NKAIN1: variants seen among roughly 807,000 people sequenced by gnomAD.
The protein encoded by NKAIN1 is sodium/potassium transporting ATPase interacting 1, also known as sodium/potassium-transporting ATPase subunit beta-1-interacting protein 1.
In NKAIN1, 13 loss-of-function variants were observed where a neutral mutation model predicts 31.6. The observed-to-expected ratio is 0.41, with a 90% CI of 0.27 to 0.65. The LOEUF (loss-of-function observed/expected upper bound fraction) is 0.65. NKAIN1 is among the 30% of genes least tolerant of loss of function. NKAIN1 has a pLI of 0.30. For synonymous variants in NKAIN1, 104 were observed against 109.0 expected (o/e 0.95, Z 0.28); for missense variants, 193 against 262.2 (o/e 0.74, Z 1.82).
chr1:31,206,887 C>T (rs945256284), intron 1 of NKAIN1, among the ~76,000 whole-genome samples: 1 of 152,140 alleles, frequency 6.6e-6, no homozygotes, highest in South Asian at 2.1e-4. Flanking sequence ...GCATGCACCA[C>T]TACGCTCAGC....
rs1234154952 is a variant in NKAIN1 at position 31,185,292 on chromosome 1, A to G, written c.228T>C (p.Asn76=). The G allele has an allele frequency of 5.0e-6, 8 of 1,611,136 alleles. No individual in the cohort carries two copies. Among genetic ancestry groups the G allele is most frequent in the Middle Eastern group, 1.6e-4 (1 of 6,062 alleles). The change falls in exon 3 of 7, where the codon AAT becomes AAC. Residue 76 remains asparagine, a synonymous_variant. Transcript: ENST00000373736. ...CCAAGTAGAAGCAGATGATAAATGC[A>G]TTCCAGCCAACCCAGAGCACCAGCC... The part of the protein sequence containing the change: ...AAWLVLWVGW[N]AFIICFYLEV...
At position 31,183,909 on chromosome 1, in the gene NKAIN1, G is replaced by T; in HGVS notation, c.379C>A (p.Leu127Met). The T allele has an allele frequency of 3.1e-6, 5 of 1,614,126 alleles. No individual in the cohort carries two copies. The highest frequency in any genetic ancestry group is 4.2e-6 in the Non-Finnish European group (5 of 1,180,036). Residue 127 changes from leucine (L) to methionine (M), a missense_variant, in exon 4 of 7, where the codon CTG becomes ATG. Leu to Met is a conservative substitution (Grantham distance 15). Transcript: ENST00000373736. Reference sequence around the variant, plus strand: ...ACAGAGATGACATGGTGGTCCTCCAGAGCCAGGCGGGAGTTCAGAACAGGT... The same window carrying T: ...ACAGAGATGACATGGTGGTCCTCCATAGCCAGGCGGGAGTTCAGAACAGGT... The part of the protein sequence containing the change: ...VTPVLNSRLA[L>M]EDHHVISVTG...
rs146537924 is a variant in NKAIN1, at chr1:31,211,587, T to C, written c.55-23400A>G. ...TGATCTACAGATTCAATGCACTCTA[T>C]CAAAATTCCAACTACCTTTTTTTTT... On this transcript the variant is annotated intron_variant, in intron 1 of 6. Transcript: ENST00000373736. Among the ~76,000 whole-genome samples the C allele has an allele frequency of 2.6e-3, 370 of 140,398 alleles. 1 individual carries two copies. The highest frequency in any genetic ancestry group is 9.1e-3 in the African/African-American group (354 of 38,846). The allele number at this position is 140,398 out of a possible 152,430, so 92.1% of individuals were successfully genotyped here. A position where few individuals can be genotyped will look rare whatever the true frequency, so the allele number is the denominator to read the frequency against.
In NKAIN1 at chr1:31,233,938, A is replaced by G. The variant is rs1645675996; in HGVS notation, c.54+5556T>C. Among the ~76,000 whole-genome samples the G allele has an allele frequency of 6.6e-6, 1 of 152,234 alleles. No homozygotes were observed. The highest frequency in any genetic ancestry group is 2.1e-4 in the South Asian group (1 of 4,838). ...CAAAGCAAGGCCTGATCCCAGATGTAGTGCTCCTAGCCCCTGTGCCAGATC... is the reference window on the plus strand; with the variant it reads ...CAAAGCAAGGCCTGATCCCAGATGTGGTGCTCCTAGCCCCTGTGCCAGATC... On this transcript the variant is annotated intron_variant, in intron 1 of 6. Coordinates refer to ENST00000373736, the MANE Select transcript of NKAIN1 (RefSeq NM_024522.3). This position sits in a 1 kb window ranked among gnomAD's most constrained non-coding sequence, Gnocchi z 4.0.
At chr1:31,186,058 T>C (rs1025272140) in intron 2 of NKAIN1, among the ~76,000 whole-genome samples, 2 of 138,524 alleles carry the variant, frequency 1.4e-5, no homozygotes, top group Non-Finnish European at 3.1e-5. Flanking sequence ...AGAAAACCCA[T>C]ATTTAAAAAA....
At chr1:31,226,275 A>G (rs867645130) in intron 1 of NKAIN1, among the ~76,000 whole-genome samples, 1 of 151,954 alleles carries the variant, frequency 6.6e-6, no homozygotes, top group Non-Finnish European at 1.5e-5. Context: ...CATAGTAGGT[A>G]TCCATAAATA....
chr1:31,181,123 G>C lies in NKAIN1; in HGVS notation c.*580C>G, dbSNP rs1259247256. 6.6e-6 allele frequency: 1 copy of C among 152,418 alleles called. No homozygotes were observed. The highest frequency in any genetic ancestry group is 1.5e-5 in the Non-Finnish European group (1 of 68,206). The allele number at this position is 152,418 out of a possible 1,614,324, so 9.4% of individuals were successfully genotyped here. A position where few individuals can be genotyped will look rare whatever the true frequency, so the allele number is the denominator to read the frequency against. On this transcript the variant is annotated 3_prime_UTR_variant, in exon 7 of 7. Transcript: ENST00000373736. ...TAATCCCAGTCTAGCTCAGGGAATT[G>C]AGTTAAATGAGAAGTCTAAAAGAGT...
chr1:31,197,332 C>T (rs1214507173), intron 1 of NKAIN1, among the ~76,000 whole-genome samples: 10 of 151,674 alleles, frequency 6.6e-5, no homozygotes, highest in African/African-American at 1.2e-4. Flanking sequence ...AGGATGGTCT[C>T]GATCTTCTGA....
intron 1 of NKAIN1, among the ~76,000 whole-genome samples, chr1:31,213,040 TTG>T (rs1176819216): frequency 5.7e-5 from 4 of 69,782 alleles, no homozygotes; most frequent in South Asian, 3.8e-4. Flanking sequence ...GCTTTTTCTT[TTG>T]TTTTTTTTTT....
chr1:31,226,766 T>C (rs1425955845), intron 1 of NKAIN1, among the ~76,000 whole-genome samples: 1 of 151,866 alleles, frequency 6.6e-6, no homozygotes, highest in African/African-American at 2.4e-5. Flanking sequence ...TCAGGTAATC[T>C]GCCCGCCTCC....
chr1:31,236,633 AG>A (rs1645694398), intron 1 of NKAIN1, among the ~76,000 whole-genome samples: 1 of 152,184 alleles, frequency 6.6e-6, no homozygotes, highest in Admixed American at 6.5e-5. Flanking sequence ...GCAATTTTCA[AG>A]TTCCTCCCGC....
chr1:31,222,696 AC>A (rs1304102110), intron 1 of NKAIN1, among the ~76,000 whole-genome samples: 1 of 152,136 alleles, frequency 6.6e-6, no homozygotes, highest in Admixed American at 6.5e-5. Context: ...TGAGGCCCAA[AC>A]TGAAGCTCAG....
At chr1:31,191,221 G>A (rs1570452891) in intron 1 of NKAIN1, among the ~76,000 whole-genome samples, 1 of 151,612 alleles carries the variant, frequency 6.6e-6, no homozygotes. Context: ...AGCCTGGGAG[G>A]CAGAGGCTGC....
intron 1 of NKAIN1, among the ~76,000 whole-genome samples, chr1:31,194,903 T>C (rs182820991): frequency 2.5e-4 from 37 of 150,198 alleles, no homozygotes; most frequent in African/African-American, 9.0e-4. Context: ...TCCTAAGTAG[T>C]TGGGATTACA....
At chr1:31,201,040 T>C (rs181544389) in intron 1 of NKAIN1, among the ~76,000 whole-genome samples, 58 of 152,026 alleles carry the variant, frequency 3.8e-4, no homozygotes, top group Admixed American at 1.9e-3. Context: ...GCCATCTTGG[T>C]CAGGCTCACG....
rs369558032 is a variant in NKAIN1 at position 31,180,478 on chromosome 1, A to T, written c.*1225T>A. On this transcript the variant is annotated 3_prime_UTR_variant, in exon 7 of 7. Coordinates refer to ENST00000373736, the MANE Select transcript of NKAIN1 (RefSeq NM_024522.3). ...CTCACACCCCCATCTGCCCCTTCAG[A>T]ACTCCTTCTGGGCTTGTTAGAGGAG... 6.6e-6 allele frequency: 1 copy of T among 152,348 alleles called. No individual in the cohort carries two copies. 9.4% of individuals were successfully genotyped at this position (152,348 alleles called of 1,614,324 possible).
chr1:31,213,532 G>A (rs115243828), intron 1 of NKAIN1, among the ~76,000 whole-genome samples: 2 of 152,190 alleles, frequency 1.3e-5, no homozygotes, highest in African/African-American at 4.8e-5. Flanking sequence ...TCCAACAGCT[G>A]GACACAGAGA....
chr1:31,232,465 A>AGAGAGAGAGG (rs1645661538), intron 1 of NKAIN1, among the ~76,000 whole-genome samples: 1 of 122,356 alleles, frequency 8.2e-6, no homozygotes, highest in African/African-American at 3.3e-5. Flanking sequence ...AGAGAGAGAG[A>AGAGAGAGAGG]GAGAGAGTGG....
At position 31,181,870 on chromosome 1, in the gene NKAIN1, G is replaced by T; in HGVS notation, c.604C>A (p.Pro202Thr). The change falls in exon 6 of 7, where the codon CCT (proline) becomes ACT (threonine). Residue 202 changes from proline (P) to threonine (T), a missense_variant. Physicochemically the swap from Pro to Thr is conservative, Grantham distance 38. Transcript: ENST00000373736. The stretch of plus-strand genomic sequence containing the variant: ...GGGGCCGTGACCCACGTGTACAGAG[G>T]CTGCAGCTGTAAATGCGACGTCTTC... The part of the protein sequence containing the change: ...PQKTSHLQLQ[P>T]LYTSG 6.2e-7 allele frequency: 1 copy of T among 1,607,450 alleles called. No individual in the cohort carries two copies. Among genetic ancestry groups the T allele is most frequent in the Non-Finnish European group, 8.5e-7 (1 of 1,177,662 alleles).
Sources: allele counts gnomAD v4.1 joint callset (sites outside exome capture counted in the v4.1 genomes callset), GRCh38; gene constraint gnomAD v4.1.1; non-coding constraint Gnocchi (gnomAD v3.1); transcripts MANE v1.5; gene names NCBI Gene and HGNC (gene_info 2026-07-23, HGNC 2026-07-21).